The following INTS6L variants were observed in gnomAD, a reference collection of about 807,000 sequenced individuals.
INTS6L encodes the protein integrator complex subunit 6 like, also known as integrator complex subunit 6-like.
Under a neutral mutation model 64.7 loss-of-function variants are expected in INTS6L, and 18 were observed. The observed-to-expected ratio is 0.28, with a 90% CI of 0.19 to 0.41. The LOEUF is 0.41. Among genes scored for constraint, INTS6L ranks in the 10% least tolerant of loss-of-function variants. The pLI is 1.00. For synonymous variants in INTS6L, 227 were observed against 235.9 expected (o/e 0.96, Z 0.34); for missense variants, 533 against 661.0 (o/e 0.81, Z 2.12).
At chrX:135,555,013 T>A (rs1324872210) in intron 8 of INTS6L, among the ~76,000 whole-genome samples, 1 of 103,753 alleles carries the variant, frequency 9.6e-6, no homozygotes, top group African/African-American at 3.5e-5. Flanking sequence ...GCCCAGCCTC[T>A]TGAGTAGCTG....
intron 9 of INTS6L, among the ~76,000 whole-genome samples, chrX:135,564,601 G>A (rs1202931641): frequency 9.2e-6 from 1 of 109,159 alleles, no homozygotes; most frequent in African/African-American, 3.3e-5. Context: ...GCATGGTGGT[G>A]CACGCCTGTA....
chrX:135,543,620 A>G (rs2086282268), intron 2 of INTS6L, among the ~76,000 whole-genome samples: 1 of 112,045 alleles, frequency 8.9e-6, no homozygotes, highest in Non-Finnish European at 1.9e-5. Flanking sequence ...TCTGCCAAGT[A>G]TAGCATAGTT....
Position 135,581,576 on chromosome X carries a change from A to C in INTS6L, c.2637A>C (p.Lys879Asn). 1 of 1,211,252 alleles carries C rather than the reference A, an allele frequency of 8.3e-7. No homozygotes were observed. Among genetic ancestry groups the C allele is most frequent in the Non-Finnish European group, 1.1e-6 (1 of 895,215 alleles). The change falls in exon 18 of 18, where the codon AAA (lysine) becomes AAC (asparagine). Residue 879 changes from lysine (K) to asparagine (N), a missense_variant. By Grantham distance (94) the Lys-to-Asn change is moderately conservative. Coordinates refer to ENST00000639893, the MANE Select transcript of INTS6L (RefSeq NM_001351601.3). ...AGTACCTTGAGAAGGTACTAGAAAAAATAAATTCCCACCACCTTCACAACA... is the reference window on the plus strand; with the variant it reads ...AGTACCTTGAGAAGGTACTAGAAAACATAAATTCCCACCACCTTCACAACA... ...LIQYLEKVLE[K>N]INSHHLHNNI... is the part of the protein sequence containing the mutation.
At chrX:135,521,219 T>G in intron 1 of INTS6L, 22 bp from the exon 2 acceptor site, 1 of 1,203,313 alleles carries the variant, frequency 8.3e-7, no homozygotes, top group Non-Finnish European at 1.1e-6. Context: ...CGCGACCCCC[T>G]CCGTCATCCC....
At chrX:135,551,895 A>T (rs2086512818) in intron 7 of INTS6L, 99 bp from the exon 8 acceptor site, 1 of 794,640 alleles carries the variant, frequency 1.3e-6, no homozygotes, top group Admixed American at 4.8e-5. Flanking sequence ...TTCAGTGAAA[A>T]TGTAACAAAA....
At chrX:135,533,613 A>G (rs1556506604) in intron 2 of INTS6L, among the ~76,000 whole-genome samples, 1 of 108,237 alleles carries the variant, frequency 9.2e-6, no homozygotes, top group Non-Finnish European at 1.9e-5. Flanking sequence ...ATGTGTTCTC[A>G]TGGAAGAATT....
chrX:135,577,409 C>T lies in INTS6L; in HGVS notation c.2101C>T (p.Pro701Ser), dbSNP rs1556531713. The change falls in exon 15 of 18, where the codon CCC (proline) becomes TCC (serine). Residue 701 changes from proline (P) to serine (S), a missense_variant. Coordinates refer to ENST00000639893, the MANE Select transcript of INTS6L (RefSeq NM_001351601.3). ...WFPSYPNLIK[P>S]TLVHTDATII... ...CCCATCTTATCCAAACCTCATAAAA[C>T]CCACCCTTGTACATACAGGTATAGA... 4 of 1,210,002 alleles carry T rather than the reference C, an allele frequency of 3.3e-6. No homozygotes were observed. The highest frequency in any genetic ancestry group is 1.8e-5 in the South Asian group (1 of 56,827).
intron 2 of INTS6L, among the ~76,000 whole-genome samples, chrX:135,527,418 A>G (rs782546977): frequency 8.9e-6 from 1 of 112,382 alleles, no homozygotes; most frequent in Admixed American, 9.4e-5. Context: ...GGTCCTAGTC[A>G]TTAAAGGTCT....
intron 10 of INTS6L, 200 bp from the exon 11 acceptor site, chrX:135,570,234 ACT>A: frequency 3.1e-6 from 1 of 321,201 alleles, no homozygotes; most frequent in East Asian, 4.6e-5. Flanking sequence ...TTCTTATCCC[ACT>A]CTCTTCTGAT....
Position 135,521,292 on chromosome X carries a change from T to C in INTS6L, c.163T>C (p.Tyr55His). The C allele has an allele frequency of 1.7e-6, 2 of 1,204,674 alleles. No homozygotes were observed. Among genetic ancestry groups the C allele is most frequent in the South Asian group, 1.8e-5 (1 of 55,818 alleles). Residue 55 changes from tyrosine to histidine, a missense_variant, in exon 2 of 18, where the codon TAC (tyrosine) becomes CAC (histidine). By Grantham distance (83) the Tyr-to-His change is moderately conservative. Transcript: ENST00000639893. ...TGGAGACAGGTACATGCTGGTCACC[T>C]ACGACGAACCCCCGTACTGCATCAA... is the stretch of plus-strand genomic sequence containing the variant. Reference protein sequence around the residue: ...SRGDRYMLVTYDEPPYCIKAG... With the variant: ...SRGDRYMLVTHDEPPYCIKAG...
chrX:135,563,103 A>G (rs1481887872), intron 9 of INTS6L, among the ~76,000 whole-genome samples: 1 of 109,126 alleles, frequency 9.2e-6, no homozygotes, highest in South Asian at 3.9e-4. Flanking sequence ...TTAGAATTCT[A>G]TTTTCTTTTA....
rs782395676 is a variant in INTS6L at position 135,581,169 on chromosome X, T to TTTTTTG, written c.2588+38_2588+43dup. On this transcript the variant is annotated intron_variant, in intron 17 of 17. Transcript: ENST00000639893. ...GTAGGTATAAACAGGAACTCTTCAATTTTTTGTTTTTGTTTTTAGAGCAGT... is the reference window on the plus strand; with the variant it reads ...GTAGGTATAAACAGGAACTCTTCAATTTTTTGTTTTTGTTTTTGTTTTTAGAGCAGT... 6.3e-6 allele frequency: 7 copies of TTTTTTG among 1,116,442 alleles called. No individual in the cohort carries two copies. In the East Asian group the frequency reaches 1.5e-4, roughly 25 times the overall value. The allele number at this position is 1,116,442 out of a possible 1,213,427, so 92.0% of individuals were successfully genotyped here. A position where few individuals can be genotyped will look rare whatever the true frequency, so the allele number is the denominator to read the frequency against.
At chrX:135,524,862 G>C (rs1556500299) in intron 2 of INTS6L, among the ~76,000 whole-genome samples, 1 of 112,178 alleles carries the variant, frequency 8.9e-6, no homozygotes, top group African/African-American at 3.2e-5. Flanking sequence ...GTCCCGGTTT[G>C]CATGGATAGA....
At chrX:135,581,237 CT>C in intron 17 of INTS6L, 94 bp downstream of exon 17, 1 of 679,518 alleles carries the variant, frequency 1.5e-6, no homozygotes, top group Non-Finnish European at 2.1e-6. Flanking sequence ...CTCTGCCTTG[CT>C]TTTTTCTCAA....
chrX:135,561,161 C>T (rs1321586282), intron 9 of INTS6L, among the ~76,000 whole-genome samples: 2 of 109,879 alleles, frequency 1.8e-5, no homozygotes, highest in African/African-American at 6.6e-5. Context: ...CCATGTTGGG[C>T]AAGCTGATCT....
At position 135,521,267 on chromosome X, in the gene INTS6L, T is replaced by C; in HGVS notation, c.138T>C (p.Arg46=). 2.2e-5 allele frequency: 27 copies of C among 1,208,204 alleles called. No individual in the cohort carries two copies. The highest frequency in any genetic ancestry group is 3.0e-5 in the Non-Finnish European group (27 of 893,948). The part of the protein sequence containing the change: ...LKLRARDPAS[R]GDRYMLVTYD... Reference sequence around the variant, plus strand: ...TGCGCGCCCGGGACCCGGCCAGCCGTGGAGACAGGTACATGCTGGTCACCT... The same window carrying C: ...TGCGCGCCCGGGACCCGGCCAGCCGCGGAGACAGGTACATGCTGGTCACCT... Residue 46 remains arginine (R), a synonymous_variant, in exon 2 of 18, where the codon CGT becomes CGC. Transcript: ENST00000639893.
intron 2 of INTS6L, among the ~76,000 whole-genome samples, chrX:135,523,898 G>A (rs2085660593): frequency 8.9e-6 from 1 of 111,880 alleles, no homozygotes; most frequent in African/African-American, 3.3e-5. Context: ...TATATGGGAA[G>A]ATACTTTTTG....
intron 2 of INTS6L, among the ~76,000 whole-genome samples, chrX:135,539,425 G>T (rs1269005097): frequency 8.9e-6 from 1 of 112,018 alleles, no homozygotes. Context: ...GGAAGAGTTA[G>T]GGCCTTGCTC....
chrX:135,553,513 G>A (rs2086560114), intron 8 of INTS6L, among the ~76,000 whole-genome samples: 1 of 99,448 alleles, frequency 1.0e-5, no homozygotes, highest in Non-Finnish European at 2.0e-5. Context: ...TTAGAGAGAC[G>A]GAGTCTCACC....
Sources: gnomAD v4.1 joint callset for allele counts (sites outside exome capture counted in the v4.1 genomes callset) on GRCh38, gnomAD v4.1.1 for gene constraint, MANE v1.5 for transcripts, NCBI Gene and HGNC (gene_info 2026-07-23, HGNC 2026-07-21) for gene names.